Variants in ARHGAP24 observed in about 807,000 individuals in gnomAD.
The protein encoded by ARHGAP24 is rho GTPase-activating protein 24.
ARHGAP24 carries 50 observed loss-of-function variants against 76.4 expected under a neutral mutation model. The observed-to-expected ratio is 0.65, with a 90% CI of 0.52 to 0.83. The LOEUF is 0.83. Ranked by LOEUF, ARHGAP24 falls within the 40% of genes least tolerant of loss-of-function variation. The probability of loss-of-function intolerance (pLI) is 0.00; values close to 1 mark genes in which losing one functional copy is unlikely to be tolerated. For synonymous variants in ARHGAP24, 345 were observed against 323.3 expected (o/e 1.07, Z -0.72); for missense variants, 930 against 914.2 (o/e 1.02, Z -0.22).
intron 3 of ARHGAP24, among the ~76,000 whole-genome samples, chr4:85,724,487 G>C (rs1725085794): frequency 2.4e-4 from 1 of 4,250 alleles, no homozygotes; most frequent in Non-Finnish European, 9.6e-4. Context: ...ATTTTTCCAT[G>C]TGTGTATATA....
At chr4:85,575,794 TTAAA>T (rs1393169109) in intron 2 of ARHGAP24, among the ~76,000 whole-genome samples, 1 of 152,222 alleles carries the variant, frequency 6.6e-6, no homozygotes, top group African/African-American at 2.4e-5. Context: ...ATATTATTAC[TTAAA>T]TAAAAGCTAA....
chr4:85,686,716 A>G (rs1294311775), intron 2 of ARHGAP24: 1 of 152,214 alleles, frequency 6.6e-6, no homozygotes, highest in Non-Finnish European at 1.5e-5. Flanking sequence ...TGTGAAATAC[A>G]AATACACTTG....
chr4:85,487,163 T>A (rs193301355), intron 1 of ARHGAP24, among the ~76,000 whole-genome samples: 176 of 136,096 alleles, frequency 1.3e-3, no homozygotes, highest in African/African-American at 3.7e-3. Context: ...TATATATATA[T>A]AAATATATAT....
At chr4:85,778,700 T>C (rs1727405139) in intron 3 of ARHGAP24, 1 of 985,348 alleles carries the variant, frequency 1.0e-6, no homozygotes, top group Non-Finnish European at 1.2e-6. Context: ...CTTTCTTCAA[T>C]ATATGGGATG....
At chr4:85,992,849 A>G (rs1740416008) in intron 8 of ARHGAP24, among the ~76,000 whole-genome samples, 1 of 152,218 alleles carries the variant, frequency 6.6e-6, no homozygotes, top group South Asian at 2.1e-4. Context: ...TGGTAATTCA[A>G]TAGATATTTA....
intron 3 of ARHGAP24, among the ~76,000 whole-genome samples, chr4:85,917,686 GT>G (rs1197078734): frequency 6.6e-6 from 1 of 152,094 alleles, no homozygotes; most frequent in South Asian, 2.1e-4. Flanking sequence ...TTTTTCATGT[GT>G]TTTTTGGCTG....
At chr4:85,765,320 T>TAAAAAAA (rs1388980018) in intron 3 of ARHGAP24, among the ~76,000 whole-genome samples, 1 of 152,098 alleles carries the variant, frequency 6.6e-6, no homozygotes, top group Non-Finnish European at 1.5e-5. Context: ...CAAGTGGCAT[T>TAAAAAAA]AAAACGTTTT....
intron 2 of ARHGAP24, among the ~76,000 whole-genome samples, chr4:85,701,659 G>T (rs1047627784): frequency 1.3e-5 from 2 of 151,986 alleles, no homozygotes; most frequent in Non-Finnish European, 2.9e-5. Flanking sequence ...TATCTGGTCA[G>T]ATTTTGGTTG....
At chr4:85,499,214 G>A (rs901463142) in intron 1 of ARHGAP24, among the ~76,000 whole-genome samples, 1 of 152,118 alleles carries the variant, frequency 6.6e-6, no homozygotes, top group Non-Finnish European at 1.5e-5. Context: ...TTTGGTAATG[G>A]CAGCATTGCT....
chr4:85,743,108 G>T (rs898141528), intron 3 of ARHGAP24, among the ~76,000 whole-genome samples: 2 of 152,024 alleles, frequency 1.3e-5, no homozygotes, highest in African/African-American at 4.8e-5. Context: ...CTGAAATTCA[G>T]ATTCACCAGA....
chr4:85,833,222 A>G (rs1730083738), intron 3 of ARHGAP24, among the ~76,000 whole-genome samples: 1 of 152,106 alleles, frequency 6.6e-6, no homozygotes, highest in African/African-American at 2.4e-5. Flanking sequence ...TTCCATTGAT[A>G]TGACAATGGA....
chr4:85,997,302 GTAGATGATAGATAGATAGA>G (rs933682063), intron 9 of ARHGAP24, among the ~76,000 whole-genome samples: 4 of 150,506 alleles, frequency 2.7e-5, no homozygotes, highest in Middle Eastern at 6.9e-3. Flanking sequence ...AGGTAGGTAG[GTAGATGATAGATAGATAGA>G]TAGATGATAG....
In ARHGAP24 at chr4:85,995,460, C is replaced by G; in HGVS notation, c.1806C>G (p.Ser602=). 6.2e-7 allele frequency: 1 copy of G among 1,605,638 alleles called. No individual in the cohort carries two copies. Among genetic ancestry groups the G allele is most frequent in the Non-Finnish European group, 8.5e-7 (1 of 1,174,634 alleles). Residue 602 remains serine, a synonymous_variant, in exon 9 of 10, where the codon TCC becomes TCG. Coordinates refer to ENST00000395184, the MANE Select transcript of ARHGAP24 (RefSeq NM_001025616.3). ...ATGGGCCCCCGCAGGACGACCTTTC[C>G]CACCCCAGGGACTATGAAAGCAAAA... ...VLDGPPQDDL[S]HPRDYESKSD...
chr4:85,894,888 G>A (rs1734054335), intron 3 of ARHGAP24, among the ~76,000 whole-genome samples: 1 of 145,354 alleles, frequency 6.9e-6, no homozygotes, highest in Non-Finnish European at 1.5e-5. Context: ...TTGCACCCAG[G>A]AGGCAGAGGT....
chr4:85,723,234 G>A (rs149681569), intron 3 of ARHGAP24: 1 of 152,334 alleles, frequency 6.6e-6, no homozygotes, highest in East Asian at 1.9e-4. Flanking sequence ...TTTTAAATCA[G>A]CGTGGTATTG....
intron 2 of ARHGAP24, among the ~76,000 whole-genome samples, chr4:85,711,175 G>A (rs375030418): frequency 6.6e-6 from 1 of 151,876 alleles, no homozygotes; most frequent in African/African-American, 2.4e-5. Context: ...ATGTTCTCTC[G>A]TCAGCACCAG....
chr4:85,522,416 C>A (rs548876532), intron 1 of ARHGAP24, among the ~76,000 whole-genome samples: 3 of 152,132 alleles, frequency 2.0e-5, no homozygotes, highest in Non-Finnish European at 4.4e-5. Context: ...TCATAACATA[C>A]TCTCCACACA....
chr4:85,707,379 G>A (rs2110031601), intron 2 of ARHGAP24, among the ~76,000 whole-genome samples: 1 of 151,548 alleles, frequency 6.6e-6, no homozygotes, highest in Admixed American at 6.6e-5. Context: ...ATGCGTCCTT[G>A]TGCTTCTTGA....
At chr4:85,903,409 C>T (rs1734607658) in intron 3 of ARHGAP24, among the ~76,000 whole-genome samples, 1 of 152,054 alleles carries the variant, frequency 6.6e-6, no homozygotes, top group Non-Finnish European at 1.5e-5. Context: ...AGTTTGTTCA[C>T]CCAAGAGCTC....
Sources: gnomAD v4.1 joint callset for allele counts (sites outside exome capture counted in the v4.1 genomes callset) on GRCh38, gnomAD v4.1.1 for gene constraint, MANE v1.5 for transcripts, NCBI Gene and HGNC (gene_info 2026-07-23, HGNC 2026-07-21) for gene names.